The following IQSEC1 variants were observed in gnomAD, a reference collection of about 807,000 sequenced individuals.
The protein encoded by IQSEC1 is IQ motif and SEC7 domain-containing protein 1.
IQSEC1 carries 31 observed loss-of-function variants against 91.0 expected under a neutral mutation model. The observed-to-expected ratio is 0.34, with a 90% CI of 0.26 to 0.46. The LOEUF (loss-of-function observed/expected upper bound fraction) is 0.46. Ranked by LOEUF, IQSEC1 falls within the 20% of genes least tolerant of loss-of-function variation. IQSEC1 has a pLI of 1.00. For synonymous variants in IQSEC1, 699 were observed against 662.6 expected (o/e 1.05, Z -0.84); for missense variants, 1,388 against 1,575.6 (o/e 0.88, Z 2.02).
intron 2 of IQSEC1, among the ~76,000 whole-genome samples, chr3:13,143,484 C>A (rs545193871): frequency 1.7e-4 from 26 of 152,198 alleles, no homozygotes; most frequent in Non-Finnish European, 3.2e-4. Context: ...TGGCCCTGAA[C>A]CTGCTCTCTC....
chr3:12,929,439 G>A (rs1056974077), intron 3 of IQSEC1, among the ~76,000 whole-genome samples: 4 of 152,254 alleles, frequency 2.6e-5, no homozygotes, highest in African/African-American at 4.8e-5. Flanking sequence ...GAGCCAGGAA[G>A]AAGGTCCCTG....
rs190718115 is a variant in IQSEC1, at chr3:13,199,756, G to A, written c.273-35623C>T. ...ATCTGAGTCCTCCGTGGCTGTCCCC[G>A]GACGTGAGGATGCCCTTCCCTCTGC... is the stretch of plus-strand genomic sequence containing the variant. On this transcript the variant is annotated intron_variant, in intron 1 of 15. Coordinates refer to the IQSEC1 transcript ENST00000648114. Among the ~76,000 whole-genome samples the A allele has an allele frequency of 3.6e-4, 54 of 150,746 alleles. 2 individuals carry two copies. Among genetic ancestry groups the A allele is most frequent in the South Asian group, 2.1e-3 (10 of 4,716 alleles).
At chr3:13,018,540 G>A (rs775950875) in intron 1 of IQSEC1, among the ~76,000 whole-genome samples, 1 of 152,272 alleles carries the variant, frequency 6.6e-6, no homozygotes, top group African/African-American at 2.4e-5. Flanking sequence ...CCTGACCTGA[G>A]AGGGGCTGTG....
intron 1 of IQSEC1, among the ~76,000 whole-genome samples, chr3:12,973,082 C>T (rs1865152): frequency 0.19 from 29,352 of 152,172 alleles, 4,191 homozygotes; most frequent in East Asian, 0.75. Flanking sequence ...ACAAAGTAAA[C>T]GGAATGAACT....
intron 12 of IQSEC1, among the ~76,000 whole-genome samples, chr3:12,907,350 G>A (rs1695090164): frequency 6.6e-6 from 1 of 152,188 alleles, no homozygotes. Flanking sequence ...TCCTAAGGTG[G>A]GGCAGGTGGG....
At chr3:12,991,633 C>T (rs1425918850) in intron 1 of IQSEC1, among the ~76,000 whole-genome samples, 1 of 152,224 alleles carries the variant, frequency 6.6e-6, no homozygotes, top group East Asian at 1.9e-4. Flanking sequence ...AAAGGCAGCT[C>T]CAGCTTGCAC....
Position 12,899,508 on chromosome 3 carries a change from T to C in IQSEC1, c.*1475A>G, listed in dbSNP as rs1694005210. The C allele has an allele frequency of 2.6e-6, 4 of 1,560,892 alleles. No individual in the cohort carries two copies. Among genetic ancestry groups the C allele is most frequent in the Non-Finnish European group, 2.6e-6 (3 of 1,150,434 alleles). On this transcript the variant is annotated 3_prime_UTR_variant, in exon 14 of 14. Coordinates refer to ENST00000613206, the MANE Select transcript of IQSEC1 (RefSeq NM_001134382.3). ...AGGTCTGGCCCTGGGGAGCGCATGG[T>C]GTCACCACAACACAGAAGCGACAAG...
rs1280083809 is a variant in IQSEC1 at position 12,898,629 on chromosome 3, C to G, written c.*2354G>C. The stretch of plus-strand genomic sequence containing the variant: ...AAAGAGCAATTCTGTGCCAAACGGC[C>G]TGAATCTTTTCTGGAACAACCTAAA... On this transcript the variant is annotated 3_prime_UTR_variant, in exon 14 of 14. Transcript: ENST00000613206. 1 of 152,222 alleles carries G rather than the reference C, an allele frequency of 6.6e-6. No homozygotes were observed. Among genetic ancestry groups the G allele is most frequent in the Non-Finnish European group, 1.5e-5 (1 of 68,040 alleles). 9.4% of individuals were successfully genotyped at this position (152,222 alleles called of 1,614,324 possible).
chr3:12,966,173 TGCAGCTGCA>T (rs1307982731), intron 1 of IQSEC1, among the ~76,000 whole-genome samples: 1 of 152,178 alleles, frequency 6.6e-6, no homozygotes, highest in Non-Finnish European at 1.5e-5. Flanking sequence ...CAGATGGTCT[TGCAGCTGCA>T]GCATGCCTGG....
chr3:13,130,253 A>G (rs573191589), intron 2 of IQSEC1, among the ~76,000 whole-genome samples: 2 of 150,046 alleles, frequency 1.3e-5, no homozygotes, highest in African/African-American at 4.9e-5. Flanking sequence ...CTAAGATAGG[A>G]GAATCGCTTG....
At chr3:13,126,788 A>G (rs1706519322) in intron 2 of IQSEC1, among the ~76,000 whole-genome samples, 1 of 152,228 alleles carries the variant, frequency 6.6e-6, no homozygotes, top group Admixed American at 6.5e-5. Flanking sequence ...GCTGAGTATC[A>G]TCCCCTTAAC....
intron 1 of IQSEC1, among the ~76,000 whole-genome samples, chr3:13,256,249 G>A (rs1461639021): frequency 6.6e-6 from 1 of 152,158 alleles, no homozygotes; most frequent in Non-Finnish European, 1.5e-5. Flanking sequence ...CACTGTCCAC[G>A]ACATGTTCCC....
chr3:12,908,258 T>C lies in IQSEC1; in HGVS notation c.2755+91A>G. 1.4e-6 allele frequency: 2 copies of C among 1,381,976 alleles called. No homozygotes were observed. Among genetic ancestry groups the C allele is most frequent in the Non-Finnish European group, 2.0e-6 (2 of 1,005,830 alleles). The allele number at this position is 1,381,976 out of a possible 1,614,324, so 85.6% of individuals were successfully genotyped here. A position where few individuals can be genotyped will look rare whatever the true frequency, so the allele number is the denominator to read the frequency against. On this transcript the variant is annotated intron_variant, in intron 12 of 13. Coordinates refer to ENST00000613206, the MANE Select transcript of IQSEC1 (RefSeq NM_001134382.3). This position sits in a 1 kb window ranked among gnomAD's most constrained non-coding sequence, Gnocchi z 4.9. ...GCCGCACTGGCTTCGCCGCAGGCCC[T>C]GCCCCGCGTGATGCATGCCCTGAAT...
chr3:12,971,129 A>G (rs1292884869), intron 1 of IQSEC1, among the ~76,000 whole-genome samples: 1 of 152,238 alleles, frequency 6.6e-6, no homozygotes, highest in African/African-American at 2.4e-5. Flanking sequence ...AAAACATACA[A>G]TATTAATGCG....
chr3:13,269,399 G>T (rs1303907788), intron 1 of IQSEC1, among the ~76,000 whole-genome samples: 2 of 152,232 alleles, frequency 1.3e-5, no homozygotes, highest in Non-Finnish European at 2.9e-5. Context: ...TTGCCATATG[G>T]CAGGAGTTAA....
chr3:13,213,709 C>T (rs1263949990), intron 1 of IQSEC1, among the ~76,000 whole-genome samples: 1 of 152,206 alleles, frequency 6.6e-6, no homozygotes, highest in Admixed American at 6.5e-5. Flanking sequence ...ATTACCACCA[C>T]ATGACCGGGC....
chr3:13,277,106 TAAAAAAAAAA>T (rs4034193), intron 1 of IQSEC1, among the ~76,000 whole-genome samples: 21 of 35,990 alleles, frequency 5.8e-4, no homozygotes, highest in South Asian at 1.9e-3. Context: ...TGCTCCTCCT[TAAAAAAAAAA>T]AAAAAAAAAA....
At chr3:13,106,009 T>G (rs904226946) in intron 2 of IQSEC1, among the ~76,000 whole-genome samples, 1 of 152,342 alleles carries the variant, frequency 6.6e-6, no homozygotes, top group East Asian at 1.9e-4. Flanking sequence ...CTGGGCTGGT[T>G]CCTTCCTGGT....
intron 1 of IQSEC1, among the ~76,000 whole-genome samples, chr3:13,192,064 G>A (rs1694043629): frequency 6.6e-6 from 1 of 152,138 alleles, no homozygotes; most frequent in South Asian, 2.1e-4. Context: ...GGCTGGGCAC[G>A]GTGGCTCACG....
Sources: gnomAD v4.1 joint callset for allele counts (sites outside exome capture counted in the v4.1 genomes callset) on GRCh38, gnomAD v4.1.1 for gene constraint, Gnocchi (gnomAD v3.1) non-coding constraint, MANE v1.5 for transcripts, NCBI Gene and HGNC (gene_info 2026-07-23, HGNC 2026-07-21) for gene names.